Variants in ARHGEF4 observed in about 807,000 individuals in gnomAD.
ARHGEF4 encodes the protein APC-stimulated guanine nucleotide exchange factor 1.
A neutral mutation model predicts 162.0 loss-of-function variants in ARHGEF4; 119 were observed. The ratio of observed to expected loss-of-function variants is 0.73; its 90% CI spans 0.63 to 0.86. The LOEUF (loss-of-function observed/expected upper bound fraction) is 0.86, where lower values mean the gene tolerates loss of function less well. Among genes scored for constraint, ARHGEF4 ranks in the 40% least tolerant of loss-of-function variants. ARHGEF4 has a pLI of 0.00. For missense variants in ARHGEF4, 2,488 were observed against 2,456.0 expected (o/e 1.01, Z -0.28); for synonymous variants, 1,014 against 979.9 (o/e 1.03, Z -0.65).
chr2:130,984,267 T>C (rs1686319533), intron 4 of ARHGEF4, among the ~76,000 whole-genome samples: 1 of 152,154 alleles, frequency 6.6e-6, no homozygotes, highest in South Asian at 2.1e-4. Flanking sequence ...CACCACATAC[T>C]AAGCAGGCTC....
rs1007629370 is a variant in ARHGEF4 at position 130,837,086 on chromosome 2, C to G, written c.39+94C>G. ...CCGCGCTGGCTGCTGCGCCCCGGGC[C>G]GTCCCCTGGGCACCCGGTGGGTGGG... On this transcript the variant is annotated intron_variant, in intron 1 of 13. Transcript: ENST00000409359. 3.5e-6 allele frequency: 4 copies of G among 1,152,238 alleles called. No homozygotes were observed. In the African/African-American group the frequency reaches 6.4e-5, roughly 19 times the overall value. The allele number at this position is 1,152,238 out of a possible 1,614,324, so 71.4% of individuals were successfully genotyped here. A position where few individuals can be genotyped will look rare whatever the true frequency, so the allele number is the denominator to read the frequency against.
chr2:130,997,332 T>G (rs940711950), intron 4 of ARHGEF4, among the ~76,000 whole-genome samples: 1 of 152,232 alleles, frequency 6.6e-6, no homozygotes, highest in African/African-American at 2.4e-5. Flanking sequence ...CTATCTGAAC[T>G]CTCTTACTAG....
intron 3 of ARHGEF4, among the ~76,000 whole-genome samples, chr2:130,933,086 G>A (rs1376124593): frequency 1.3e-5 from 2 of 151,988 alleles, no homozygotes; most frequent in African/African-American, 2.4e-5. Flanking sequence ...GTGGTAGCAC[G>A]CACCTGTACT....
In ARHGEF4 at chr2:130,987,678, C is replaced by T. The variant is rs150701631; in HGVS notation, c.3986-40267C>T. ...CAGGAAAGTTCCCCAAGTCCGCACT[C>T]GACCCAGGAAGTCCAGCTGGCATCA... On this transcript the variant is annotated intron_variant, in intron 4 of 13. Transcript: ENST00000409359. 1.7e-4 allele frequency among the ~76,000 whole-genome samples: 26 copies of T among 152,258 alleles called. No individual in the cohort carries two copies. The East Asian group carries it at 4.6e-3, about 27-fold the overall frequency.
In ARHGEF4 at chr2:131,038,401, C is replaced by T. The variant is rs200393967; in HGVS notation, c.4126-452C>T. On this transcript the variant is annotated intron_variant, in intron 5 of 13. Transcript: ENST00000409359. ...CCTCTCCCTCCTGCAGCCTTGCAGCCCTCAGCCTCTCCCTCCTGCAGCCTT... is the reference window on the plus strand; with the variant it reads ...CCTCTCCCTCCTGCAGCCTTGCAGCTCTCAGCCTCTCCCTCCTGCAGCCTT... Among the ~76,000 whole-genome samples, 8 of 144,312 alleles carry T rather than the reference C, an allele frequency of 5.5e-5. No individual in the cohort carries two copies. In the East Asian group the frequency reaches 1.2e-3, roughly 22 times the overall value. The allele number at this position is 144,312 out of a possible 152,430, so 94.7% of individuals were successfully genotyped here. A position where few individuals can be genotyped will look rare whatever the true frequency, so the allele number is the denominator to read the frequency against.
intron 4 of ARHGEF4, among the ~76,000 whole-genome samples, chr2:131,001,569 G>C (rs1687771235): frequency 6.6e-6 from 1 of 152,068 alleles, no homozygotes; most frequent in South Asian, 2.1e-4. Context: ...CTTATAAATG[G>C]TGAGTAAATG....
chr2:130,905,762 A>G (rs903576103), intron 1 of ARHGEF4, among the ~76,000 whole-genome samples: 1 of 152,150 alleles, frequency 6.6e-6, no homozygotes, highest in Non-Finnish European at 1.5e-5. Flanking sequence ...TTTTATCACT[A>G]GTTATTTTAT....
At chr2:130,960,790 G>A (rs1296533360) in intron 4 of ARHGEF4, among the ~76,000 whole-genome samples, 1 of 152,128 alleles carries the variant, frequency 6.6e-6, no homozygotes, top group Non-Finnish European at 1.5e-5. Flanking sequence ...GATGGTAAGT[G>A]TTAATTTCAG....
At position 130,917,026 on chromosome 2, in the gene ARHGEF4, AACCG is replaced by A. The variant is rs1442011035; in HGVS notation, c.3084_3087del (p.Thr1029SerfsTer66). The stretch of plus-strand genomic sequence containing the variant: ...TCTCCAGAACACAGGAGGAAAAGTG[AACCG>A]ACCATCAAGTGCACAGCCACCCAGG... On this transcript the variant is annotated frameshift_variant, in exon 2 of 14. Coordinates refer to ENST00000409359, the MANE Select transcript of ARHGEF4 (RefSeq NM_001367493.1). LOFTEE classifies it high-confidence loss of function. 3.2e-6 allele frequency: 5 copies of A among 1,550,762 alleles called. No homozygotes were observed. The highest frequency in any genetic ancestry group is 4.4e-6 in the Non-Finnish European group (5 of 1,147,070).
intron 4 of ARHGEF4, among the ~76,000 whole-genome samples, chr2:130,956,026 G>A (rs1439102220): frequency 2.0e-5 from 3 of 152,214 alleles, no homozygotes; most frequent in Non-Finnish European, 4.4e-5. Context: ...CTCAAGCTCT[G>A]TGGAGCCCTT....
At chr2:130,957,229 G>A (rs1413412727) in intron 4 of ARHGEF4, among the ~76,000 whole-genome samples, 3 of 150,744 alleles carry the variant, frequency 2.0e-5, no homozygotes, top group African/African-American at 7.3e-5. Context: ...GAAGAGGAGG[G>A]AACACTTCCC....
intron 1 of ARHGEF4, among the ~76,000 whole-genome samples, chr2:130,876,585 G>T (rs1438723655): frequency 1.3e-5 from 2 of 152,200 alleles, no homozygotes; most frequent in Admixed American, 1.3e-4. Flanking sequence ...GTAGAGACGG[G>T]GTTTCACCAT....
At chr2:131,015,144 G>A (rs548988250) in intron 4 of ARHGEF4, among the ~76,000 whole-genome samples, 1 of 152,184 alleles carries the variant, frequency 6.6e-6, no homozygotes, top group Non-Finnish European at 1.5e-5. Context: ...AAGAGAACTG[G>A]GAGACGAAGG....
Position 131,040,386 on chromosome 2 carries a change from G to A in ARHGEF4, c.4608G>A (p.Arg1536=). Residue 1536 remains arginine, a synonymous_variant, in exon 8 of 14, where the codon AGG becomes AGA. Transcript: ENST00000409359. ...CCTTCGTGAAGGCCCTGGAGCAGAGGTTCAACCGCGAGCGCCCACACCTGA... is the reference window on the plus strand; with the variant it reads ...CCTTCGTGAAGGCCCTGGAGCAGAGATTCAACCGCGAGCGCCCACACCTGA... ...QKAFVKALEQ[R]FNRERPHLSE... 1 of 1,609,354 alleles carries A rather than the reference G, an allele frequency of 6.2e-7. No individual in the cohort carries two copies. The highest frequency in any genetic ancestry group is 8.5e-7 in the Non-Finnish European group (1 of 1,178,326).
intron 4 of ARHGEF4, among the ~76,000 whole-genome samples, chr2:130,988,901 T>TATATATATAGAG (rs1469212068): frequency 4.1e-4 from 47 of 113,368 alleles, no homozygotes; most frequent in Non-Finnish European, 7.1e-4. Context: ...TATATATATA[T>TATATATATAGAG]AGAGAGAGAG....
At chr2:130,964,183 A>G (rs1684829253) in intron 4 of ARHGEF4, 1 of 985,208 alleles carries the variant, frequency 1.0e-6, no homozygotes, top group Admixed American at 6.1e-5. Context: ...CCGCGGAGGC[A>G]ACGGGGGCAT....
intron 4 of ARHGEF4, among the ~76,000 whole-genome samples, chr2:130,958,015 C>CAA (rs34565820): frequency 0.088 from 12,255 of 138,702 alleles, 544 homozygotes; most frequent in Non-Finnish European, 0.12. Context: ...TTAAAAGGAA[C>CAA]AAAAAAAAAA....
At chr2:131,012,988 T>G (rs1688562203) in intron 4 of ARHGEF4, among the ~76,000 whole-genome samples, 1 of 152,220 alleles carries the variant, frequency 6.6e-6, no homozygotes, top group African/African-American at 2.4e-5. Context: ...AAACCACACC[T>G]TCAAGATCCA....
intron 4 of ARHGEF4, among the ~76,000 whole-genome samples, chr2:130,957,421 A>G (rs1684355837): frequency 1.3e-5 from 2 of 152,232 alleles, no homozygotes; most frequent in Admixed American, 1.3e-4. Context: ...CTTGAAAGAC[A>G]AATTTATAGA....
Sources: gnomAD v4.1 joint callset for allele counts (sites outside exome capture counted in the v4.1 genomes callset) on GRCh38, gnomAD v4.1.1 for gene constraint, MANE v1.5 for transcripts, NCBI Gene and HGNC (gene_info 2026-07-23, HGNC 2026-07-21) for gene names.